Variants in NME7 observed in about 807,000 individuals in gnomAD.
NME7 encodes nucleoside diphosphate kinase 7.
NME7 carries 41 observed loss-of-function variants against 49.1 expected under a neutral mutation model. That is an observed-to-expected ratio of 0.83 (90% CI 0.65 to 1.08). NME7 has a LOEUF of 1.08. Among genes scored for constraint, NME7 ranks in the 50% least tolerant of loss-of-function variants. The pLI is 0.00. For synonymous variants in NME7, 139 were observed against 150.6 expected, an observed-to-expected ratio of 0.92 and a Z score of 0.56; for missense variants, 423 against 463.4, an observed-to-expected ratio of 0.91 and a Z score of 0.80.
intron 7 of NME7, among the ~76,000 whole-genome samples, chr1:169,266,012 A>G (rs1649307178): frequency 7.5e-6 from 1 of 132,646 alleles, no homozygotes; most frequent in African/African-American, 2.5e-5. Context: ...AGACGGATTC[A>G]TAGCCATATT....
At chr1:169,355,956 A>T (rs1366072204) in intron 1 of NME7, among the ~76,000 whole-genome samples, 1 of 152,162 alleles carries the variant, frequency 6.6e-6, no homozygotes, top group East Asian at 1.9e-4. Context: ...CTCTCTCAGA[A>T]TAAAAGAGTC....
At chr1:169,207,383 G>A (rs1481754125) in intron 10 of NME7, among the ~76,000 whole-genome samples, 3 of 151,986 alleles carry the variant, frequency 2.0e-5, no homozygotes, top group African/African-American at 2.4e-5. Flanking sequence ...ATGAGATTTG[G>A]GGGAGTCAAG....
chr1:169,202,367 C>T (rs1660575306), intron 10 of NME7, among the ~76,000 whole-genome samples: 1 of 152,152 alleles, frequency 6.6e-6, no homozygotes, highest in African/African-American at 2.4e-5. Context: ...AACTCCTTTG[C>T]TTGCTCCTGC....
rs1164253348 is a variant in NME7 at position 169,254,348 on chromosome 1, C to T, written c.755-16661G>A. ...TCTTCTCGATTTTCTAGTTTATTTG[C>T]GTAGAGGTGTTTGTAGTATTCTCTG... On this transcript the variant is annotated intron_variant, in intron 7 of 11. Coordinates refer to ENST00000367811, the MANE Select transcript of NME7 (RefSeq NM_013330.5). Among the ~76,000 whole-genome samples the T allele has an allele frequency of 6.2e-4, 95 of 152,016 alleles. No homozygotes were observed. The Middle Eastern group carries it at 0.01, about 16-fold the overall frequency.
intron 5 of NME7, among the ~76,000 whole-genome samples, chr1:169,300,182 ACTGCATGCAAAT>A (rs1238548847): frequency 6.6e-6 from 1 of 152,192 alleles, no homozygotes; most frequent in African/African-American, 2.4e-5. Flanking sequence ...AATAAAATTT[ACTGCATGCAAAT>A]CACACATAAA....
chr1:169,328,314 G>A (rs1463698723), intron 1 of NME7, among the ~76,000 whole-genome samples: 5 of 152,122 alleles, frequency 3.3e-5, no homozygotes, highest in South Asian at 2.1e-4. Flanking sequence ...TCTTCATAAG[G>A]TAGTTTTGGG....
At chr1:169,258,540 A>T (rs1649057593) in intron 7 of NME7, among the ~76,000 whole-genome samples, 1 of 128,118 alleles carries the variant, frequency 7.8e-6, no homozygotes, top group South Asian at 2.4e-4. Context: ...CAGTTAAGGA[A>T]ATTCACAAAT....
At chr1:169,211,930 T>C (rs530641086) in intron 10 of NME7, among the ~76,000 whole-genome samples, 47 of 152,322 alleles carry the variant, frequency 3.1e-4, no homozygotes, top group African/African-American at 1.1e-3. Context: ...TATTGTTTTA[T>C]ACAGTAGTTT....
intron 1 of NME7, among the ~76,000 whole-genome samples, chr1:169,366,829 G>A (rs1300184726): frequency 6.6e-6 from 1 of 152,082 alleles, no homozygotes; most frequent in African/African-American, 2.4e-5. Context: ...GGAAAACTGG[G>A]GTAACCAAAA....
chr1:169,342,923 A>AC (rs1480653102), intron 1 of NME7, among the ~76,000 whole-genome samples: 1 of 115,186 alleles, frequency 8.7e-6, no homozygotes, highest in Non-Finnish European at 1.7e-5. Context: ...GTATATATAT[A>AC]TATACAAGTA....
intron 1 of NME7, among the ~76,000 whole-genome samples, chr1:169,345,419 G>C (rs929448217): frequency 7.1e-6 from 1 of 141,116 alleles, no homozygotes; most frequent in African/African-American, 2.6e-5. Context: ...AGTAGAGATG[G>C]GGGGGTCTCA....
intron 5 of NME7, chr1:169,301,899 T>C (rs377167847): frequency 8.5e-4 from 129 of 152,154 alleles, no homozygotes; most frequent in African/African-American, 2.6e-3. Context: ...TTGGGGGTAA[T>C]AGACACTGTG....
chr1:169,208,201 G>T (rs1660723588), intron 10 of NME7, among the ~76,000 whole-genome samples: 1 of 151,990 alleles, frequency 6.6e-6, no homozygotes, highest in Admixed American at 6.6e-5. Flanking sequence ...GCAATTATAA[G>T]ACTTTATTGC....
At chr1:169,347,192 G>A (rs986473216) in intron 1 of NME7, among the ~76,000 whole-genome samples, 3 of 152,000 alleles carry the variant, frequency 2.0e-5, no homozygotes, top group East Asian at 1.9e-4. Flanking sequence ...ACAGTGAGAC[G>A]CCATCTCTAA....
intron 6 of NME7, among the ~76,000 whole-genome samples, chr1:169,292,170 C>T (rs145969793): frequency 3.4e-4 from 52 of 152,208 alleles, no homozygotes; most frequent in African/African-American, 1.2e-3. Flanking sequence ...TTGCACCTTA[C>T]ATAAAAATTA....
At chr1:169,172,477 A>G (rs961093910) in intron 10 of NME7, among the ~76,000 whole-genome samples, 4 of 152,106 alleles carry the variant, frequency 2.6e-5, no homozygotes, top group Non-Finnish European at 5.9e-5. Context: ...CAAGGGGATG[A>G]TGGGCACATA....
chr1:169,289,022 TC>T (rs1650392285), intron 6 of NME7, among the ~76,000 whole-genome samples: 1 of 152,124 alleles, frequency 6.6e-6, no homozygotes, highest in South Asian at 2.1e-4. Context: ...GTCTTTCTTT[TC>T]CATTTCCATT....
chr1:169,218,607 A>G (rs1042436827), intron 10 of NME7, among the ~76,000 whole-genome samples: 15 of 152,060 alleles, frequency 9.9e-5, no homozygotes, highest in Non-Finnish European at 1.6e-4. Context: ...AAAGCAAAGA[A>G]AAAATAATAG....
At chr1:169,284,029 T>C (rs1650158335) in intron 7 of NME7, 1 of 152,186 alleles carries the variant, frequency 6.6e-6, no homozygotes, top group Admixed American at 6.5e-5. Flanking sequence ...CTGGATAATA[T>C]CCTGAAGAGT....
Sources: allele counts gnomAD v4.1 joint callset (sites outside exome capture counted in the v4.1 genomes callset), GRCh38; gene constraint gnomAD v4.1.1; transcripts MANE v1.5; gene names NCBI Gene and HGNC (gene_info 2026-07-23, HGNC 2026-07-21).